Variants in PCDH7 observed in about 807,000 individuals in gnomAD.
The protein encoded by PCDH7 is protocadherin 7.
PCDH7 carries 17 observed loss-of-function variants against 58.9 expected under a neutral mutation model. The observed-to-expected ratio is 0.29, with a 90% CI of 0.20 to 0.43. The LOEUF is 0.43. PCDH7 is among the 20% of genes least tolerant of loss of function. The pLI, the probability that PCDH7 is intolerant of heterozygous loss-of-function variation, is 1.00. For synonymous variants in PCDH7, 664 were observed against 616.4 expected (o/e 1.08, Z -1.14); for missense variants, 1,274 against 1,441.0 (o/e 0.88, Z 1.88).
chr4:30,723,245 A>C lies in PCDH7; in HGVS notation c.1823A>C (p.Lys608Thr), dbSNP rs1285942290. 1.2e-6 allele frequency: 2 copies of C among 1,614,170 alleles called. No individual in the cohort carries two copies. The highest frequency in any genetic ancestry group is 1.3e-5 in the African/African-American group (1 of 75,042). Residue 608 changes from lysine to threonine, a missense_variant, in exon 1 of 2, where the codon AAA (lysine) becomes ACA (threonine). Around this residue, in one of 3 missense-constraint regions of PCDH7, gnomAD observed 731 missense variants for 881.9 expected, o/e 0.83. Transcript: ENST00000361762. The surrounding 1 kb of genome is among the most constrained non-coding windows in gnomAD (Gnocchi z 4.6). ...GAGCAGACTGACAGGTATGAGTTTA[A>C]AGTTAACGCCAAAGACAAAGGCATC...
At chr4:31,119,732 T>C (rs1717424573) in intron 3 of PCDH7, among the ~76,000 whole-genome samples, 1 of 152,118 alleles carries the variant, frequency 6.6e-6, no homozygotes, top group Admixed American at 6.5e-5. Flanking sequence ...TGTGCAATGG[T>C]TTGCTAGTGC....
intron 3 of PCDH7, among the ~76,000 whole-genome samples, chr4:31,083,406 AAG>A (rs568952211): frequency 7.9e-4 from 120 of 152,298 alleles, no homozygotes; most frequent in African/African-American, 2.7e-3. Flanking sequence ...AATTTTAAGA[AAG>A]AGATTTTTAT....
chr4:30,962,496 G>C, intron 3 of PCDH7, among the ~76,000 whole-genome samples: 1 of 152,196 alleles, frequency 6.6e-6, no homozygotes, highest in African/African-American at 2.4e-5. Flanking sequence ...AGTTAAAAGT[G>C]TAATTCTAGG....
chr4:30,836,056 C>T (rs1471642177), intron 1 of PCDH7, among the ~76,000 whole-genome samples: 2 of 152,146 alleles, frequency 1.3e-5, no homozygotes, highest in African/African-American at 2.4e-5. Context: ...AAGATGTTAG[C>T]AGTGCTAATT....
chr4:31,037,849 T>C (rs958740978), intron 3 of PCDH7, among the ~76,000 whole-genome samples: 4 of 152,184 alleles, frequency 2.6e-5, no homozygotes, highest in Admixed American at 1.3e-4. Flanking sequence ...AATATCATAA[T>C]AGTATGGTGA....
At chr4:30,833,173 T>G (rs1411305999) in intron 1 of PCDH7, among the ~76,000 whole-genome samples, 1 of 152,192 alleles carries the variant, frequency 6.6e-6, no homozygotes, top group Non-Finnish European at 1.5e-5. Context: ...TAGCATCCTA[T>G]TGCTGTTCTA....
At chr4:31,100,814 A>G (rs188023482) in intron 3 of PCDH7, among the ~76,000 whole-genome samples, 19 of 152,312 alleles carry the variant, frequency 1.2e-4, no homozygotes, top group Non-Finnish European at 2.4e-4. Flanking sequence ...ATAGAAAAAT[A>G]CTGTTTTATC....
At chr4:30,864,504 A>T (rs959349592) in intron 1 of PCDH7, among the ~76,000 whole-genome samples, 1 of 151,590 alleles carries the variant, frequency 6.6e-6, no homozygotes, top group Admixed American at 6.6e-5. Flanking sequence ...TTAATCTACC[A>T]GTGAAAATAG....
intron 1 of PCDH7, among the ~76,000 whole-genome samples, chr4:30,903,626 AT>A (rs905330299): frequency 2.6e-5 from 4 of 152,060 alleles, no homozygotes; most frequent in Admixed American, 6.6e-5. Flanking sequence ...TATCCTTTAT[AT>A]TTTCCAAAGA....
rs1713741564 is a variant in PCDH7 at position 30,722,226 on chromosome 4, C to A, written c.804C>A (p.Arg268=). Residue 268 remains arginine, a synonymous_variant, in exon 1 of 2, where the codon CGC becomes CGA. Coordinates refer to ENST00000361762, the Ensembl canonical transcript of PCDH7. The surrounding 1 kb of genome is among the most constrained non-coding windows in gnomAD (Gnocchi z 7.6). The stretch of plus-strand genomic sequence containing the variant: ...TGATCGTGAAGGGGGCGCTGGACCG[C>A]GAGCAGCGCGACTCCTACGAGCTGA... The A allele has an allele frequency of 6.3e-7, 1 of 1,591,374 alleles. No homozygotes were observed. The highest frequency in any genetic ancestry group is 1.3e-5 in the African/African-American group (1 of 74,658).
chr4:30,994,334 T>A (rs1257285734), intron 3 of PCDH7, among the ~76,000 whole-genome samples: 1 of 152,214 alleles, frequency 6.6e-6, no homozygotes, highest in Non-Finnish European at 1.5e-5. Context: ...CTATTTCTGT[T>A]CAGTATCTCT....
intron 3 of PCDH7, among the ~76,000 whole-genome samples, chr4:31,040,731 C>G (rs539230525): frequency 6.6e-6 from 1 of 151,716 alleles, no homozygotes; most frequent in African/African-American, 2.4e-5. Context: ...CCTAAAAATA[C>G]GAACAATTTG....
In PCDH7 at chr4:30,721,970, TC is replaced by T; in HGVS notation, c.550del (p.Gln184ArgfsTer77). 1 of 1,407,144 alleles carries T rather than the reference TC, an allele frequency of 7.1e-7. No homozygotes were observed. Among genetic ancestry groups the T allele is most frequent in the Admixed American group, 2.9e-5 (1 of 34,716 alleles). 87.2% of individuals were successfully genotyped at this position (1,407,144 alleles called of 1,614,324 possible). Reference sequence around the variant, plus strand: ...AACGGCATCGAGCGCTACGAGCTGCTCCAGGAGCCCGGAGGCGGCGGCAGCG... The same window carrying T: ...AACGGCATCGAGCGCTACGAGCTGCTCAGGAGCCCGGAGGCGGCGGCAGCG... On this transcript the variant is annotated frameshift_variant, in exon 1 of 2. Transcript: ENST00000361762. LOFTEE classifies it high-confidence loss of function. The surrounding 1 kb of genome is among the most constrained non-coding windows in gnomAD (Gnocchi z 6.7).
At chr4:30,945,949 C>G (rs968901179) in intron 2 of PCDH7, among the ~76,000 whole-genome samples, 1 of 152,024 alleles carries the variant, frequency 6.6e-6, no homozygotes, top group Non-Finnish European at 1.5e-5. Flanking sequence ...ATTAAAATGC[C>G]CTTTTTGACG....
chr4:30,732,401 C>T (rs1203297186), exon 2 of PCDH7: 1 of 152,056 alleles, frequency 6.6e-6, no homozygotes, highest in Non-Finnish European at 1.5e-5. Flanking sequence ...ACAGAAAAAT[C>T]AAAGTCTAGA....
At chr4:30,781,812 A>G (rs1327353557) in intron 1 of PCDH7, among the ~76,000 whole-genome samples, 3 of 152,196 alleles carry the variant, frequency 2.0e-5, no homozygotes, top group Non-Finnish European at 4.4e-5. Context: ...CTGGGATTAC[A>G]AGCGTGAGCC....
At chr4:30,729,863 G>T (rs1001818528) in intron 1 of PCDH7, among the ~76,000 whole-genome samples, 2 of 151,734 alleles carry the variant, frequency 1.3e-5, no homozygotes, top group Non-Finnish European at 2.9e-5. Context: ...CTTTCAATTG[G>T]ATTGCTTCCT....
chr4:31,093,513 A>T (rs913359914), intron 3 of PCDH7, among the ~76,000 whole-genome samples: 10 of 152,098 alleles, frequency 6.6e-5, no homozygotes, highest in Non-Finnish European at 5.9e-5. Flanking sequence ...GATTTTCTTG[A>T]ACAACATAAG....
chr4:30,869,681 C>T (rs1485964252), intron 1 of PCDH7, among the ~76,000 whole-genome samples: 1 of 152,160 alleles, frequency 6.6e-6, no homozygotes, highest in Non-Finnish European at 1.5e-5. Context: ...TCCAGTCTAT[C>T]ATTGATGGGC....
Sources: allele counts gnomAD v4.1 joint callset (sites outside exome capture counted in the v4.1 genomes callset), GRCh38; gene constraint gnomAD v4.1.1; regional missense constraint gnomAD v4.1.1; non-coding constraint Gnocchi (gnomAD v3.1); transcripts MANE v1.5; gene names NCBI Gene and HGNC (gene_info 2026-07-23, HGNC 2026-07-21).